The following GJA3 variants were observed in gnomAD, a reference collection of about 807,000 sequenced individuals.
GJA3 encodes the protein gap junction protein alpha 3.
For missense variants in GJA3, 571 were observed against 620.3 expected (o/e 0.92, Z 0.84); for synonymous variants, 297 against 292.6 (o/e 1.02, Z -0.15).
chr13:20,161,333 C>T (rs1958936970), upstream of GJA3, among the ~76,000 whole-genome samples: 1 of 152,114 alleles, frequency 6.6e-6, no homozygotes, highest in Admixed American at 6.5e-5. Context: ...GGGGCATGCC[C>T]GCGCGGGACG....
chr13:20,156,331 A>G (rs1653055178), intron 1 of GJA3, among the ~76,000 whole-genome samples: 1 of 152,050 alleles, frequency 6.6e-6, no homozygotes, highest in African/African-American at 2.4e-5. Context: ...ATTTTATGAC[A>G]GAATCTCACT....
At chr13:20,153,125 G>A (rs1431230574) in intron 1 of GJA3, among the ~76,000 whole-genome samples, 1 of 152,166 alleles carries the variant, frequency 6.6e-6, no homozygotes, top group Non-Finnish European at 1.5e-5. Flanking sequence ...AGCCTATGGT[G>A]TTTGGTACAT....
Position 20,142,340 on chromosome 13 carries a change from C to T in GJA3, c.949G>A (p.Gly317Ser), listed in dbSNP as rs377190812. The change falls in exon 2 of 2, where the codon GGC becomes AGC. Residue 317 changes from glycine (G) to serine (S), a missense_variant. Coordinates refer to ENST00000241125, the MANE Select transcript of GJA3 (RefSeq NM_021954.4). The part of the protein sequence containing the change: ...GKGQSAKLYN[G>S]HHHLLMTEQN... The stretch of plus-strand genomic sequence containing the variant: ...TCAGTCATCAGCAGGTGGTGGTGGC[C>T]GTTGTAGAGCTTGGCGGACTGGCCC... 8 of 1,559,278 alleles carry T rather than the reference C, an allele frequency of 5.1e-6. No homozygotes were observed. In the Admixed American group the frequency reaches 7.9e-5, roughly 15 times the overall value.
Position 20,142,202 on chromosome 13 carries a change from C to T in GJA3, c.1087G>A (p.Ala363Thr), listed in dbSNP as rs1221443511. The change falls in exon 2 of 2, where the codon GCG becomes ACG. Residue 363 changes from alanine to threonine, a missense_variant. Ala to Thr is a moderately conservative substitution (Grantham distance 58). Coordinates refer to ENST00000241125, the MANE Select transcript of GJA3 (RefSeq NM_021954.4). ...GCCGCGCCCGCCTCAGCCTCGTGCG[C>T]GAGTGGCGGGGAGCTGCTGCCGACG... ...SPVGSSSPPL[A>T]HEAEAGAAPL... is the part of the protein sequence containing the mutation. 6.6e-7 allele frequency: 1 copy of T among 1,519,636 alleles called. No individual in the cohort carries two copies. The highest frequency in any genetic ancestry group is 8.8e-7 in the Non-Finnish European group (1 of 1,136,000). The allele number at this position is 1,519,636 out of a possible 1,614,324, so 94.1% of individuals were successfully genotyped here. A position where few individuals can be genotyped will look rare whatever the true frequency, so the allele number is the denominator to read the frequency against.
intron 1 of GJA3, among the ~76,000 whole-genome samples, chr13:20,147,303 T>A (rs1958848760): frequency 6.6e-6 from 1 of 152,198 alleles, no homozygotes; most frequent in African/African-American, 2.4e-5. Context: ...GGGGAGAACC[T>A]TATTTGTTCA....
chr13:20,151,870 C>G (rs993158894), intron 1 of GJA3, among the ~76,000 whole-genome samples: 2 of 152,074 alleles, frequency 1.3e-5, no homozygotes, highest in African/African-American at 2.4e-5. Context: ...GGCAAACGCA[C>G]AGCCTCCAGG....
At chr13:20,160,142 C>T (rs1012182573) in intron 1 of GJA3, among the ~76,000 whole-genome samples, 2 of 152,036 alleles carry the variant, frequency 1.3e-5, no homozygotes, top group Non-Finnish European at 2.9e-5. Flanking sequence ...GTGGAGTCGG[C>T]AACAAAGCAA....
At position 20,142,538 on chromosome 13, in the gene GJA3, C is replaced by A; in HGVS notation, c.751G>T (p.Asp251Tyr). ...DASEAPLGTA[D>Y]PPPLPPSSRP... Reference sequence around the variant, plus strand: ...GAGCTGGGGGGCAGGGGCGGGGGATCGGCTGTCCCCAGCGGGGCCTCGGAG... The same window carrying A: ...GAGCTGGGGGGCAGGGGCGGGGGATAGGCTGTCCCCAGCGGGGCCTCGGAG... The change falls in exon 2 of 2, where the codon GAT (aspartate) becomes TAT (tyrosine). Residue 251 changes from aspartate to tyrosine, a missense_variant. Transcript: ENST00000241125. 6.4e-7 allele frequency: 1 copy of A among 1,560,388 alleles called. No individual in the cohort carries two copies. The highest frequency in any genetic ancestry group is 8.7e-7 in the Non-Finnish European group (1 of 1,153,198).
At chr13:20,156,269 T>TA (rs1438479714) in intron 1 of GJA3, among the ~76,000 whole-genome samples, 1 of 151,082 alleles carries the variant, frequency 6.6e-6, no homozygotes, top group Non-Finnish European at 1.5e-5. Context: ...AATCTTTTTT[T>TA]ACCTTTTATA....
intron 1 of GJA3, among the ~76,000 whole-genome samples, chr13:20,154,986 G>C (rs967853415): frequency 6.6e-6 from 1 of 152,086 alleles, no homozygotes; most frequent in Non-Finnish European, 1.5e-5. Context: ...AACTAGCTGA[G>C]ACTACAGGCA....
At chr13:20,144,490 C>G (rs998708955) in intron 1 of GJA3, among the ~76,000 whole-genome samples, 1 of 152,178 alleles carries the variant, frequency 6.6e-6, no homozygotes, top group African/African-American at 2.4e-5. Context: ...TTGGGCAGGG[C>G]TCACCAGCCC....
chr13:20,148,024 C>T (rs1473849129), intron 1 of GJA3, among the ~76,000 whole-genome samples: 2 of 152,104 alleles, frequency 1.3e-5, no homozygotes, highest in Admixed American at 1.3e-4. Context: ...CTGAGCCTCA[C>T]GACTACACTT....
chr13:20,158,320 T>C (rs1958917227), intron 1 of GJA3, among the ~76,000 whole-genome samples: 1 of 152,208 alleles, frequency 6.6e-6, no homozygotes, highest in Non-Finnish European at 1.5e-5. Context: ...TGATTTCACT[T>C]TTCTTACTCA....
Position 20,142,945 on chromosome 13 carries a change from A to T in GJA3, c.344T>A (p.Leu115Gln), listed in dbSNP as rs1958820821. ...KKKEREEEEQ[L>Q]KRESPSPKEP... is the part of the protein sequence containing the mutation. ...CTTGGGGCTGGGGCTCTCTCTCTTC[A>T]GCTGCTCCTCCTCCTCCCTCTCTTT... Residue 115 changes from leucine to glutamine, a missense_variant, in exon 2 of 2, where the codon CTG (leucine) becomes CAG (glutamine). Physicochemically the swap from Leu to Gln is moderately radical, Grantham distance 113. Transcript: ENST00000241125. 1.1e-5 allele frequency: 18 copies of T among 1,576,940 alleles called. No homozygotes were observed. The highest frequency in any genetic ancestry group is 2.3e-5 in the South Asian group (2 of 87,138).
rs1198497023 is a variant in GJA3 at position 20,141,610 on chromosome 13, C to G, written c.*371G>C. ...TCTGGAGAGCTTAGGAATAGCAAAC[C>G]CAATTGCCCAGGAGCTAAAGGGACT... is the stretch of plus-strand genomic sequence containing the variant. On this transcript the variant is annotated 3_prime_UTR_variant, in exon 2 of 2. Transcript: ENST00000241125. 1 of 203,252 alleles carries G rather than the reference C, an allele frequency of 4.9e-6. No homozygotes were observed. The highest frequency in any genetic ancestry group is 2.3e-5 in the African/African-American group (1 of 43,036). The allele number at this position is 203,252 out of a possible 1,614,324, so 12.6% of individuals were successfully genotyped here. A position where few individuals can be genotyped will look rare whatever the true frequency, so the allele number is the denominator to read the frequency against.
chr13:20,154,030 C>T (rs1022114872), intron 1 of GJA3, among the ~76,000 whole-genome samples: 2 of 152,218 alleles, frequency 1.3e-5, no homozygotes, highest in African/African-American at 4.8e-5. Flanking sequence ...ATATACAGCA[C>T]TTGGTATCTG....
At chr13:20,149,136 C>T (rs1958861557) in intron 1 of GJA3, among the ~76,000 whole-genome samples, 1 of 152,170 alleles carries the variant, frequency 6.6e-6, no homozygotes, top group Non-Finnish European at 1.5e-5. Flanking sequence ...AAATCAATGG[C>T]TATTTCCTCA....
chr13:20,158,487 A>C (rs1394285565), intron 1 of GJA3, among the ~76,000 whole-genome samples: 3 of 152,054 alleles, frequency 2.0e-5, no homozygotes, highest in East Asian at 3.9e-4. Flanking sequence ...ATTAATTTTT[A>C]TATCTAGTAT....
Position 20,139,246 on chromosome 13 carries a change from T to TG in GJA3, c.*2734_*2735insC, listed in dbSNP as rs1958793695. 6.6e-6 allele frequency: 1 copy of TG among 152,126 alleles called. No homozygotes were observed. Among genetic ancestry groups the TG allele is most frequent in the Non-Finnish European group, 1.5e-5 (1 of 68,012 alleles). 9.4% of individuals were successfully genotyped at this position (152,126 alleles called of 1,614,324 possible). On this transcript the variant is annotated 3_prime_UTR_variant, in exon 2 of 2. Transcript: ENST00000241125. ...ATAAGAAGTAATTGTATACAGCAGCTTAAAAACCATGTATGTAAATATAAT... is the reference window on the plus strand; with the variant it reads ...ATAAGAAGTAATTGTATACAGCAGCTGTAAAAACCATGTATGTAAATATAAT...
Sources: gnomAD v4.1 joint callset for allele counts (sites outside exome capture counted in the v4.1 genomes callset) on GRCh38, gnomAD v4.1.1 for gene constraint, MANE v1.5 for transcripts, NCBI Gene and HGNC (gene_info 2026-07-23, HGNC 2026-07-21) for gene names.